Variants in ADGRV1 observed in about 807,000 individuals in gnomAD.
The protein encoded by ADGRV1 is G-protein coupled receptor 98.
In ADGRV1, 359 loss-of-function variants were observed where a neutral mutation model predicts 596.2. The observed-to-expected ratio is 0.60, with a 90% CI of 0.55 to 0.66. The LOEUF is 0.66. ADGRV1 is among the 30% of genes least tolerant of loss of function. The pLI is 0.00. For missense variants in ADGRV1, 7,274 were observed against 7,575.6 expected, an observed-to-expected ratio of 0.96 and a Z score of 1.48; for synonymous variants, 2,681 against 2,679.2, an observed-to-expected ratio of 1.00 and a Z score of -0.02.
intron 85 of ADGRV1, among the ~76,000 whole-genome samples, chr5:91,044,026 G>A (rs543300649): frequency 6.6e-6 from 1 of 152,126 alleles, no homozygotes; most frequent in South Asian, 2.1e-4. Flanking sequence ...TGTCTGGAAT[G>A]TGTATAGGAG....
chr5:90,949,803 G>T (rs573242396), intron 83 of ADGRV1, among the ~76,000 whole-genome samples: 1 of 152,290 alleles, frequency 6.6e-6, no homozygotes, highest in East Asian at 1.9e-4. Flanking sequence ...GTAAGACAAG[G>T]TATATTACAT....
At chr5:91,070,197 T>G (rs899351964) in intron 85 of ADGRV1, among the ~76,000 whole-genome samples, 23 of 152,154 alleles carry the variant, frequency 1.5e-4, no homozygotes, top group African/African-American at 5.1e-4. Flanking sequence ...GTCCCAAACC[T>G]TAGCATCATG....
chr5:91,130,949 T>TTTCCA (rs1409276387), intron 87 of ADGRV1, among the ~76,000 whole-genome samples: 6 of 152,268 alleles, frequency 3.9e-5, no homozygotes, highest in African/African-American at 1.4e-4. Flanking sequence ...AAGGATGTGA[T>TTTCCA]TTCCATTTTT....
intron 83 of ADGRV1, among the ~76,000 whole-genome samples, chr5:90,930,277 A>G (rs1775108342): frequency 6.6e-6 from 1 of 152,220 alleles, no homozygotes; most frequent in South Asian, 2.1e-4. Context: ...CTGGTCTAAC[A>G]AAATGAATAC....
Position 90,745,779 on chromosome 5 carries a change from T to C in ADGRV1, c.10958T>C (p.Ile3653Thr), listed in dbSNP as rs1392964175. The C allele has an allele frequency of 6.2e-7, 1 of 1,600,332 alleles. No individual in the cohort carries two copies. Among genetic ancestry groups the C allele is most frequent in the East Asian group, 2.2e-5 (1 of 44,734 alleles). The stretch of plus-strand genomic sequence containing the variant: ...CTGTCTAATGATGATGCCTATGGAA[T>C]TGTTGCATTTGCTCAGGTAATGATA... ...TILSNDDAYGIVAFAQNSLYK... is the reference protein window; with the variant it reads ...TILSNDDAYGTVAFAQNSLYK... Residue 3653 changes from isoleucine (I) to threonine (T), a missense_variant, in exon 52 of 90, where the codon ATT becomes ACT. Physicochemically the swap from Ile to Thr is moderately conservative, Grantham distance 89 (BLOSUM62 -1). Coordinates refer to ENST00000405460, the MANE Select transcript of ADGRV1 (RefSeq NM_032119.4).
chr5:90,805,632 C>T (rs1761832455), intron 72 of ADGRV1, among the ~76,000 whole-genome samples, 174 bp downstream of exon 72: 1 of 152,082 alleles, frequency 6.6e-6, no homozygotes, highest in South Asian at 2.1e-4. Context: ...AGGAGAGAAG[C>T]TTTTTTCAGT....
chr5:90,925,036 C>T (rs887844750), intron 83 of ADGRV1, among the ~76,000 whole-genome samples: 3 of 151,386 alleles, frequency 2.0e-5, no homozygotes, highest in Admixed American at 6.6e-5. Context: ...TTACTGTAGC[C>T]TTGTGGTATA....
chr5:90,908,374 C>G (rs1310234663), intron 83 of ADGRV1, among the ~76,000 whole-genome samples: 1 of 152,134 alleles, frequency 6.6e-6, no homozygotes, highest in Non-Finnish European at 1.5e-5. Flanking sequence ...GTGTTTCAGA[C>G]AATTCAATTG....
intron 43 of ADGRV1, 89 bp downstream of exon 43, chr5:90,716,818 T>A: frequency 1.1e-6 from 1 of 930,502 alleles, no homozygotes; most frequent in Non-Finnish European, 1.6e-6. Context: ...AGTCCTAGAA[T>A]GAAAAAACAA....
chr5:91,056,144 G>A (rs1031111868), intron 85 of ADGRV1, among the ~76,000 whole-genome samples: 13 of 152,306 alleles, frequency 8.5e-5, no homozygotes, highest in Non-Finnish European at 1.0e-4. Flanking sequence ...TTGGTTGTGC[G>A]ACGTGTGGTT....
At chr5:90,697,235 C>A in intron 34 of ADGRV1, 89 bp downstream of exon 34, 1 of 1,184,036 alleles carries the variant, frequency 8.4e-7, no homozygotes, top group South Asian at 1.5e-5. Context: ...TAGTTTTTCC[C>A]TTTCATTATT....
chr5:90,609,808 C>A (rs968015364), intron 1 of ADGRV1, among the ~76,000 whole-genome samples: 3 of 151,992 alleles, frequency 2.0e-5, no homozygotes, highest in African/African-American at 7.2e-5. Context: ...TCAATGCGTT[C>A]ATTCAATTCT....
chr5:90,924,457 C>T (rs533387305), intron 83 of ADGRV1, among the ~76,000 whole-genome samples: 37 of 150,950 alleles, frequency 2.5e-4, no homozygotes, highest in East Asian at 1.2e-3. Flanking sequence ...TCATGTCCTT[C>T]GCCCACTTTT....
chr5:91,044,194 C>A (rs1460863481), intron 85 of ADGRV1, among the ~76,000 whole-genome samples: 1 of 152,122 alleles, frequency 6.6e-6, no homozygotes, highest in Non-Finnish European at 1.5e-5. Context: ...TTGGTTTAGG[C>A]TGTGCTTGCA....
At chr5:90,693,092 TAA>T (rs1445337018) in intron 32 of ADGRV1, among the ~76,000 whole-genome samples, 2 of 152,040 alleles carry the variant, frequency 1.3e-5, no homozygotes, top group Non-Finnish European at 2.9e-5. Context: ...GCTTTTAAAT[TAA>T]AGAGCATTTG....
intron 83 of ADGRV1, among the ~76,000 whole-genome samples, chr5:90,874,072 C>T (rs956883269): frequency 3.9e-5 from 6 of 152,108 alleles, no homozygotes; most frequent in African/African-American, 1.2e-4. Context: ...TTTTTGGTGT[C>T]TTCCTATTGC....
chr5:90,962,450 CTA>C, intron 83 of ADGRV1, among the ~76,000 whole-genome samples: 2 of 152,216 alleles, frequency 1.3e-5, no homozygotes, highest in Middle Eastern at 6.8e-3. Flanking sequence ...CTGGTAATCT[CTA>C]TGTGTTTGAA....
chr5:90,904,057 G>C (rs2150654692), intron 83 of ADGRV1, among the ~76,000 whole-genome samples: 1 of 152,070 alleles, frequency 6.6e-6, no homozygotes, highest in African/African-American at 2.4e-5. Context: ...TTAACATAGT[G>C]ATCTCCAGTT....
At chr5:90,765,941 G>T (rs10070221) in intron 59 of ADGRV1, among the ~76,000 whole-genome samples, 2,084 of 150,554 alleles carry the variant, frequency 0.014, 52 homozygotes, top group African/African-American at 0.048. Flanking sequence ...ACAGAGTCTT[G>T]CTCTGTCACC....
Sources: allele counts gnomAD v4.1 joint callset (sites outside exome capture counted in the v4.1 genomes callset), GRCh38; gene constraint gnomAD v4.1.1; transcripts MANE v1.5; gene names NCBI Gene and HGNC (gene_info 2026-07-23, HGNC 2026-07-21).